The following SLIT1 variants were observed in gnomAD, a reference collection of about 807,000 sequenced individuals.
SLIT1 encodes slit guidance ligand 1, also known as slit homolog 1 protein.
A neutral mutation model predicts 186.1 loss-of-function variants in SLIT1; 66 were observed. That is an observed-to-expected ratio of 0.35 (90% CI 0.29 to 0.44). SLIT1 has a LOEUF of 0.44. Among genes scored for constraint, SLIT1 ranks in the 20% least tolerant of loss-of-function variants. The pLI is 1.00. For missense variants in SLIT1, 1,638 were observed against 2,037.4 expected, an observed-to-expected ratio of 0.80 and a Z score of 3.77; for synonymous variants, 761 against 833.8, an observed-to-expected ratio of 0.91 and a Z score of 1.50.
chr10:97,155,700 G>T (rs767352063), intron 4 of SLIT1, among the ~76,000 whole-genome samples: 12 of 152,212 alleles, frequency 7.9e-5, no homozygotes, highest in Non-Finnish European at 1.0e-4. Context: ...CTATGGGAAG[G>T]AGAAGGGACC....
chr10:97,135,760 G>A (rs1200847237), intron 4 of SLIT1, among the ~76,000 whole-genome samples: 5 of 152,252 alleles, frequency 3.3e-5, no homozygotes, highest in Non-Finnish European at 7.3e-5. Flanking sequence ...AACAGCCACG[G>A]ATGGTCCCGT....
intron 21 of SLIT1, 84 bp downstream of exon 21, chr10:97,039,904 C>A: frequency 6.6e-7 from 1 of 1,513,048 alleles, no homozygotes. Flanking sequence ...CCTCCCATGG[C>A]TAGGCCCCAG....
intron 4 of SLIT1, among the ~76,000 whole-genome samples, chr10:97,116,726 G>C (rs962430576): frequency 6.6e-6 from 1 of 152,334 alleles, no homozygotes; most frequent in African/African-American, 2.4e-5. Context: ...GGTGCAGGCT[G>C]GGGGTGGGAG....
chr10:97,180,925 A>G (rs1850328227), intron 1 of SLIT1, among the ~76,000 whole-genome samples: 1 of 152,238 alleles, frequency 6.6e-6, no homozygotes, highest in Non-Finnish European at 1.5e-5. Flanking sequence ...TCACAACTGT[A>G]GCATGAGTGA....
Position 97,004,553 on chromosome 10 carries a change from C to A in SLIT1, c.3710+140G>T. 2.9e-6 allele frequency: 3 copies of A among 1,030,702 alleles called. No homozygotes were observed. Among genetic ancestry groups the A allele is most frequent in the Non-Finnish European group, 4.4e-6 (3 of 686,368 alleles). The allele number at this position is 1,030,702 out of a possible 1,614,324, so 63.8% of individuals were successfully genotyped here. A position where few individuals can be genotyped will look rare whatever the true frequency, so the allele number is the denominator to read the frequency against. On this transcript the variant is annotated intron_variant, in intron 33 of 36. Coordinates refer to ENST00000266058, the MANE Select transcript of SLIT1 (RefSeq NM_003061.3). This position sits in a 1 kb window ranked among gnomAD's most constrained non-coding sequence, Gnocchi z 5.1. Reference sequence around the variant, plus strand: ...ACCTCAGCCCCAAGCTGGGGCTAACCCAGATGGTTCAAGTGTCCTTCAAAC... The same window carrying A: ...ACCTCAGCCCCAAGCTGGGGCTAACACAGATGGTTCAAGTGTCCTTCAAAC...
intron 4 of SLIT1, among the ~76,000 whole-genome samples, chr10:97,077,044 T>C (rs57448470): frequency 0.012 from 1,784 of 152,264 alleles, 31 homozygotes; most frequent in African/African-American, 0.038. Context: ...GGTGGGAGGA[T>C]GGCTTGAGGC....
intron 4 of SLIT1, among the ~76,000 whole-genome samples, chr10:97,124,460 T>C (rs893680765): frequency 6.6e-6 from 1 of 152,242 alleles, no homozygotes; most frequent in Non-Finnish European, 1.5e-5. Flanking sequence ...CAATAATTCA[T>C]GGGTACAAAC....
intron 22 of SLIT1, 100 bp downstream of exon 22, chr10:97,037,598 T>C: frequency 1.1e-6 from 1 of 894,184 alleles, no homozygotes; most frequent in Admixed American, 2.0e-5. Flanking sequence ...AGAAGCAGGA[T>C]CTGCCCAGAA....
Position 97,058,158 on chromosome 10 carries a change from T to A in SLIT1, c.1086-877A>T, listed in dbSNP as rs1848858786. ...TAACTTGGTCTTTACCCAGCCAGCATCAGGAAGCCACTGAGACAGCATCAG... is the reference window on the plus strand; with the variant it reads ...TAACTTGGTCTTTACCCAGCCAGCAACAGGAAGCCACTGAGACAGCATCAG... On this transcript the variant is annotated intron_variant, in intron 11 of 36. Transcript: ENST00000266058. 5.9e-6 allele frequency: 4 copies of A among 682,714 alleles called. No individual in the cohort carries two copies. In the East Asian group the frequency reaches 1.1e-4, roughly 19 times the overall value. The allele number at this position is 682,714 out of a possible 1,614,324, so 42.3% of individuals were successfully genotyped here. A position where few individuals can be genotyped will look rare whatever the true frequency, so the allele number is the denominator to read the frequency against.
chr10:97,112,952 T>C (rs1349167704), intron 4 of SLIT1, among the ~76,000 whole-genome samples: 2 of 152,118 alleles, frequency 1.3e-5, no homozygotes, highest in Non-Finnish European at 2.9e-5. Flanking sequence ...CCTCGGCCTT[T>C]CAAAGCGCTG....
At chr10:97,049,257 A>C (rs931068377) in intron 13 of SLIT1, 139 bp from the exon 14 acceptor site, 12 of 988,092 alleles carry the variant, frequency 1.2e-5, no homozygotes, top group Non-Finnish European at 1.8e-5. Context: ...ACGGGGGGAA[A>C]GAGAGAGTGG....
At chr10:97,074,673 C>G (rs1386122921) in intron 4 of SLIT1, among the ~76,000 whole-genome samples, 1 of 152,230 alleles carries the variant, frequency 6.6e-6, no homozygotes, top group Non-Finnish European at 1.5e-5. Flanking sequence ...CAAGCTCCAC[C>G]AAGAGCAGCC....
chr10:97,001,451 GT>G, intron 36 of SLIT1, 101 bp from the exon 37 acceptor site: 1 of 867,322 alleles, frequency 1.2e-6, no homozygotes, highest in Non-Finnish European at 1.8e-6. Context: ...GGCAGCATCT[GT>G]GGGGTGGATC....
At position 97,149,329 on chromosome 10, in the gene SLIT1, G is replaced by C. The variant is rs140878778; in HGVS notation, c.413+8489C>G. ...ACAGCAGGCGCAGATTTAATGATTGGAAAGCACTTCGAGAATCCAGAGTGC... is the reference window on the plus strand; with the variant it reads ...ACAGCAGGCGCAGATTTAATGATTGCAAAGCACTTCGAGAATCCAGAGTGC... On this transcript the variant is annotated intron_variant, in intron 4 of 36. Coordinates refer to ENST00000266058, the MANE Select transcript of SLIT1 (RefSeq NM_003061.3). Among the ~76,000 whole-genome samples, 31 of 152,332 alleles carry C rather than the reference G, an allele frequency of 2.0e-4. No individual in the cohort carries two copies. The East Asian group carries it at 6.0e-3, about 29-fold the overall frequency.
intron 28 of SLIT1, among the ~76,000 whole-genome samples, chr10:97,015,477 A>G (rs185341889): frequency 2.6e-5 from 4 of 152,362 alleles, no homozygotes; most frequent in Non-Finnish European, 1.5e-5. Flanking sequence ...TGACATGGCT[A>G]TAATAAAACT....
chr10:97,036,369 C>G (rs1283272476), intron 22 of SLIT1, among the ~76,000 whole-genome samples: 1 of 152,128 alleles, frequency 6.6e-6, no homozygotes, highest in Non-Finnish European at 1.5e-5. Flanking sequence ...CCTTCTCCAC[C>G]CCTCCCATTG....
rs1258324020 is a variant in SLIT1 at position 97,010,938 on chromosome 10, CCCAGGGGCTGACA to C, written c.3341+42_3341+54del. 7.6e-6 allele frequency: 12 copies of C among 1,576,662 alleles called. No individual in the cohort carries two copies. The highest frequency in any genetic ancestry group is 1.4e-5 in the African/African-American group (1 of 73,932). ...CGCCATGGCTGGAGGCTCCTGCCAGCCCAGGGGCTGACAGCCACAAGGAGTCACTCCTAGTGTG... is the reference window on the plus strand; with the variant it reads ...CGCCATGGCTGGAGGCTCCTGCCAGCGCCACAAGGAGTCACTCCTAGTGTG... On this transcript the variant is annotated intron_variant, in intron 31 of 36. Coordinates refer to ENST00000266058, the MANE Select transcript of SLIT1 (RefSeq NM_003061.3). The surrounding 1 kb of genome is among the most constrained non-coding windows in gnomAD (Gnocchi z 4.8).
At chr10:97,181,503 G>A (rs543929147) in intron 1 of SLIT1, among the ~76,000 whole-genome samples, 12 of 152,326 alleles carry the variant, frequency 7.9e-5, no homozygotes, top group African/African-American at 2.9e-4. Context: ...CAGCAGGCAT[G>A]GAGATAGGGC....
At chr10:97,070,853 C>G (rs1217431325) in intron 4 of SLIT1, among the ~76,000 whole-genome samples, 1 of 152,200 alleles carries the variant, frequency 6.6e-6, no homozygotes, top group Non-Finnish European at 1.5e-5. Flanking sequence ...CAAGGTCTTG[C>G]TGTCACCCAG....
Sources: allele counts gnomAD v4.1 joint callset (sites outside exome capture counted in the v4.1 genomes callset), GRCh38; gene constraint gnomAD v4.1.1; non-coding constraint Gnocchi (gnomAD v3.1); transcripts MANE v1.5; gene names NCBI Gene and HGNC (gene_info 2026-07-23, HGNC 2026-07-21).